Variants in KAZN observed in about 807,000 individuals in gnomAD.
KAZN encodes the protein kazrin, periplakin interacting protein, also known as kazrin.
Under a neutral mutation model 87.4 loss-of-function variants are expected in KAZN, and 40 were observed. That is an observed-to-expected ratio of 0.46 (90% CI 0.36 to 0.60). The LOEUF (loss-of-function observed/expected upper bound fraction) is 0.60. Ranked by LOEUF, KAZN falls within the 20% of genes least tolerant of loss-of-function variation. KAZN has a pLI of 0.00. For missense variants in KAZN, 898 were observed against 1,073.9 expected, an observed-to-expected ratio of 0.84 and a Z score of 2.29; for synonymous variants, 466 against 458.3, an observed-to-expected ratio of 1.02 and a Z score of -0.22.
At chr1:14,976,927 C>T (rs769686925) in intron 2 of KAZN, among the ~76,000 whole-genome samples, 1 of 152,050 alleles carries the variant, frequency 6.6e-6, no homozygotes, top group Non-Finnish European at 1.5e-5. Context: ...TGGTGGTGGG[C>T]GCCTGTAATC....
In KAZN at chr1:14,883,359, G is replaced by A. The variant is rs372621714; in HGVS notation, c.227-77325G>A. Among the ~76,000 whole-genome samples the A allele has an allele frequency of 8.2e-4, 36 of 43,964 alleles. 4 individuals are homozygous for A. The highest frequency in any genetic ancestry group is 1.3e-3 in the Admixed American group (5 of 3,886). 28.8% of individuals were successfully genotyped at this position (43,964 alleles called of 152,430 possible). A position where few individuals can be genotyped will look rare whatever the true frequency, so the allele number is the denominator to read the frequency against. On this transcript the variant is annotated intron_variant, in intron 1 of 14. Transcript: ENST00000376030. ...GAGAGAGAGAAAGAAAGAAAGAAAA[G>A]AAAGAAAGAAAGAAAGAAAGAAAGA...
chr1:15,011,824 G>C (rs1281401456), intron 2 of KAZN, among the ~76,000 whole-genome samples: 1 of 152,164 alleles, frequency 6.6e-6, no homozygotes, highest in African/African-American at 2.4e-5. Context: ...AGGGTTGGGG[G>C]CGGGGCACCA....
At chr1:14,440,935 T>C (rs1161874699) in intron 2 of KAZN, among the ~76,000 whole-genome samples, 1 of 152,166 alleles carries the variant, frequency 6.6e-6, no homozygotes, top group Non-Finnish European at 1.5e-5. Context: ...CCTTCTTCTC[T>C]CCTGCTGTTG....
chr1:13,972,266 TTTTTC>T (rs1027579262), intron 1 of KAZN, among the ~76,000 whole-genome samples: 3 of 147,182 alleles, frequency 2.0e-5, no homozygotes, highest in African/African-American at 7.6e-5. Context: ...CTTTTTTTCT[TTTTTC>T]TTTTCTTTTT....
chr1:15,052,269 G>T (rs766255045), intron 4 of KAZN, among the ~76,000 whole-genome samples: 4 of 152,146 alleles, frequency 2.6e-5, no homozygotes, highest in Non-Finnish European at 4.4e-5. Flanking sequence ...GGCTGGGGAG[G>T]CCTCACAATC....
chr1:14,146,518 A>T (rs1215602698), intron 1 of KAZN, among the ~76,000 whole-genome samples: 3 of 147,786 alleles, frequency 2.0e-5, no homozygotes, highest in Non-Finnish European at 3.0e-5. Flanking sequence ...CCTGGGCAAC[A>T]AGAGTGAAAC....
chr1:14,589,844 C>T (rs1170787917), intron 2 of KAZN, among the ~76,000 whole-genome samples: 1 of 151,964 alleles, frequency 6.6e-6, no homozygotes, highest in African/African-American at 2.4e-5. Context: ...GAGAAGAGGA[C>T]TTATTCGGTG....
chr1:14,224,503 A>G (rs909587056), intron 2 of KAZN, among the ~76,000 whole-genome samples: 1 of 152,210 alleles, frequency 6.6e-6, no homozygotes, highest in Non-Finnish European at 1.5e-5. Context: ...ATGCCAACAG[A>G]TGCCAGAGAA....
intron 1 of KAZN, among the ~76,000 whole-genome samples, chr1:13,976,245 C>G (rs1355905220): frequency 6.6e-6 from 1 of 152,136 alleles, no homozygotes; most frequent in African/African-American, 2.4e-5. Flanking sequence ...TGCATCCATG[C>G]TTTTGATTTT....
At chr1:14,090,805 C>G (rs1570714757) in intron 1 of KAZN, among the ~76,000 whole-genome samples, 3 of 152,082 alleles carry the variant, frequency 2.0e-5, no homozygotes, top group Non-Finnish European at 4.4e-5. Context: ...GAACACAGAT[C>G]AATGCTCAGC....
chr1:14,041,083 A>C (rs1641820389), intron 1 of KAZN, among the ~76,000 whole-genome samples: 1 of 152,206 alleles, frequency 6.6e-6, no homozygotes, highest in South Asian at 2.1e-4. Context: ...AGAAGCAACC[A>C]CCGCTGAATT....
chr1:14,420,857 A>G (rs1665363653), intron 2 of KAZN, among the ~76,000 whole-genome samples: 1 of 141,122 alleles, frequency 7.1e-6, no homozygotes, highest in African/African-American at 2.6e-5. Flanking sequence ...AGCGCTGCGC[A>G]CAGCCCCGGT....
chr1:14,594,810 G>A (rs1258150364), upstream of KAZN, among the ~76,000 whole-genome samples: 1 of 152,156 alleles, frequency 6.6e-6, no homozygotes, highest in Non-Finnish European at 1.5e-5. Context: ...CAGGCAAATG[G>A]GCTTGCAGGA....
At chr1:15,048,615 G>A (rs577436239) in intron 4 of KAZN, among the ~76,000 whole-genome samples, 25 of 142,458 alleles carry the variant, frequency 1.8e-4, no homozygotes, top group African/African-American at 6.5e-4. Flanking sequence ...TGGGTCGCTG[G>A]TCCTGGGTCG....
At chr1:14,045,685 C>T (rs758325436) in intron 1 of KAZN, among the ~76,000 whole-genome samples, 1 of 152,154 alleles carries the variant, frequency 6.6e-6, no homozygotes, top group Non-Finnish European at 1.5e-5. Context: ...TCCTAGTTTG[C>T]ATTTCCTCAG....
intron 1 of KAZN, among the ~76,000 whole-genome samples, chr1:14,845,759 A>C (rs1287821583): frequency 6.6e-6 from 1 of 152,102 alleles, no homozygotes; most frequent in Non-Finnish European, 1.5e-5. Flanking sequence ...GCTAAAATGG[A>C]ATTAAACATT....
At chr1:13,982,556 A>G (rs1328387647) in intron 1 of KAZN, among the ~76,000 whole-genome samples, 6 of 152,200 alleles carry the variant, frequency 3.9e-5, no homozygotes, top group Non-Finnish European at 7.3e-5. Context: ...GGTGGTTGCC[A>G]CTGCTGGCTC....
intron 2 of KAZN, among the ~76,000 whole-genome samples, chr1:14,990,286 G>A (rs1449670213): frequency 1.3e-5 from 2 of 152,142 alleles, no homozygotes; most frequent in African/African-American, 4.8e-5. Flanking sequence ...GCAGTGGAGC[G>A]ATCTCCGCTC....
At chr1:14,389,732 G>A (rs1239691356) in intron 2 of KAZN, among the ~76,000 whole-genome samples, 2 of 152,184 alleles carry the variant, frequency 1.3e-5, no homozygotes, top group Non-Finnish European at 2.9e-5. Flanking sequence ...AGGTGGAGGG[G>A]TAGGGAGTGG....
Sources: gnomAD v4.1 joint callset for allele counts (sites outside exome capture counted in the v4.1 genomes callset) on GRCh38, gnomAD v4.1.1 for gene constraint, MANE v1.5 for transcripts, NCBI Gene and HGNC (gene_info 2026-07-23, HGNC 2026-07-21) for gene names.